UNC5C: variants seen among roughly 807,000 people sequenced by gnomAD.
UNC5C encodes unc-5 netrin receptor C, also known as netrin receptor UNC5C.
A neutral mutation model predicts 99.8 loss-of-function variants in UNC5C; 47 were observed. The ratio of observed to expected loss-of-function variants is 0.47; its 90% CI spans 0.37 to 0.60. The LOEUF (loss-of-function observed/expected upper bound fraction) is 0.60, where lower values mean the gene tolerates loss of function less well. UNC5C is among the 20% of genes least tolerant of loss of function. The pLI, the probability that UNC5C is intolerant of heterozygous loss-of-function variation, is 0.00. For synonymous variants in UNC5C, 487 were observed against 452.2 expected (o/e 1.08, Z -0.98); for missense variants, 1,062 against 1,165.9 (o/e 0.91, Z 1.30).
At chr4:95,496,226 A>G (rs2149482926) in intron 1 of UNC5C, among the ~76,000 whole-genome samples, 1 of 151,954 alleles carries the variant, frequency 6.6e-6, no homozygotes, top group Admixed American at 6.6e-5. Flanking sequence ...TCTGACTTTC[A>G]AAAGAAACAT....
intron 1 of UNC5C, among the ~76,000 whole-genome samples, chr4:95,495,929 A>G (rs1321991648): frequency 6.6e-6 from 1 of 151,856 alleles, no homozygotes; most frequent in African/African-American, 2.4e-5. Flanking sequence ...ATGGAGAAAT[A>G]GAAATTATTC....
chr4:95,476,968 C>T (rs1471090586), intron 1 of UNC5C, among the ~76,000 whole-genome samples: 2 of 152,020 alleles, frequency 1.3e-5, no homozygotes, highest in East Asian at 3.9e-4. Context: ...TTCATTTGGA[C>T]ATATCCAGAA....
In UNC5C at chr4:95,520,596, A is replaced by ATT. The variant is rs10712546; in HGVS notation, c.124+28136_124+28137dup. Among the ~76,000 whole-genome samples, 8 of 98,808 alleles carry ATT rather than the reference A, an allele frequency of 8.1e-5. No individual in the cohort carries two copies. The East Asian group carries it at 8.5e-4, about 10-fold the overall frequency. 64.8% of individuals were successfully genotyped at this position (98,808 alleles called of 152,430 possible). A position where few individuals can be genotyped will look rare whatever the true frequency, so the allele number is the denominator to read the frequency against. On this transcript the variant is annotated intron_variant, in intron 1 of 15. Coordinates refer to ENST00000453304, the MANE Select transcript of UNC5C (RefSeq NM_003728.4). Reference sequence around the variant, plus strand: ...CCATTTTTCAGAAAAACTATCTAGTATTTTTTTTTTTTTTTTTTTTGAGAC... The same window carrying ATT: ...CCATTTTTCAGAAAAACTATCTAGTATTTTTTTTTTTTTTTTTTTTTTGAGAC...
Position 95,466,525 on chromosome 4 carries a change from G to A in UNC5C, c.124+82209C>T, listed in dbSNP as rs534547231. Among the ~76,000 whole-genome samples the A allele has an allele frequency of 3.9e-5, 6 of 152,162 alleles. No individual in the cohort carries two copies. The East Asian group carries it at 9.7e-4, about 25-fold the overall frequency. On this transcript the variant is annotated intron_variant, in intron 1 of 15. Coordinates refer to ENST00000453304, the MANE Select transcript of UNC5C (RefSeq NM_003728.4). ...TAACATTATTAGAAGCAGAGCAAGA[G>A]GAGCAAATGTTGGTAGTAAAACTCC...
intron 3 of UNC5C, among the ~76,000 whole-genome samples, chr4:95,282,569 G>A (rs1376310229): frequency 6.6e-6 from 1 of 152,200 alleles, no homozygotes; most frequent in African/African-American, 2.4e-5. Context: ...AAAGATCCAG[G>A]GATAATTGTC....
chr4:95,473,381 T>C (rs978368671), intron 1 of UNC5C, among the ~76,000 whole-genome samples: 1 of 152,156 alleles, frequency 6.6e-6, no homozygotes, highest in African/African-American at 2.4e-5. Context: ...GTTCCCACTT[T>C]GTAGTTAAGC....
chr4:95,390,748 A>C (rs891444757), intron 1 of UNC5C, among the ~76,000 whole-genome samples: 1 of 152,158 alleles, frequency 6.6e-6, no homozygotes, highest in Admixed American at 6.5e-5. Context: ...TTTTCTTGAC[A>C]CAGGGTCTTG....
At chr4:95,201,908 G>T (rs1380492480) in intron 12 of UNC5C, among the ~76,000 whole-genome samples, 1 of 151,998 alleles carries the variant, frequency 6.6e-6, no homozygotes, top group Non-Finnish European at 1.5e-5. Context: ...CCGGCCGAGG[G>T]TCTTTATTTA....
In UNC5C at chr4:95,530,764, T is replaced by C. The variant is rs565320635; in HGVS notation, c.124+17970A>G. On this transcript the variant is annotated intron_variant, in intron 1 of 15. Transcript: ENST00000453304. The stretch of plus-strand genomic sequence containing the variant: ...GGCTTATTATTCTTCATAAGTTGTA[T>C]TTAGAAAGGACTTTTCAGAAAAAAA... Among the ~76,000 whole-genome samples, 2 of 152,324 alleles carry C rather than the reference T, an allele frequency of 1.3e-5. 1 individual carries two copies. Among genetic ancestry groups the C allele is most frequent in the South Asian group, 4.1e-4 (2 of 4,824 alleles).
chr4:95,341,929 A>G (rs1255012799), intron 1 of UNC5C, among the ~76,000 whole-genome samples: 3 of 152,156 alleles, frequency 2.0e-5, no homozygotes, highest in African/African-American at 7.2e-5. Flanking sequence ...AAAATGGGGC[A>G]GAATTCAGCT....
At chr4:95,228,296 T>A (rs1031531098) in intron 7 of UNC5C, among the ~76,000 whole-genome samples, 1 of 152,208 alleles carries the variant, frequency 6.6e-6, no homozygotes, top group African/African-American at 2.4e-5. Flanking sequence ...TAGCAAAAAA[T>A]GATCATGGTT....
At chr4:95,351,283 C>A (rs962404930) in intron 1 of UNC5C, among the ~76,000 whole-genome samples, 5 of 151,550 alleles carry the variant, frequency 3.3e-5, no homozygotes, top group Admixed American at 2.0e-4. Context: ...TGCTGCATAA[C>A]CAATGTCTAC....
rs1735894436 is a variant in UNC5C at position 95,167,320 on chromosome 4, C to T, written c.*1914G>A. 1 of 152,162 alleles carries T rather than the reference C, an allele frequency of 6.6e-6. No homozygotes were observed. The highest frequency in any genetic ancestry group is 1.5e-5 in the Non-Finnish European group (1 of 68,034). 9.4% of individuals were successfully genotyped at this position (152,162 alleles called of 1,614,324 possible). ...TCCCCACCTGCTGAATGAATTGAGT[C>T]CTTGTGTTTGTTAAAGAGCTTGTGA... On this transcript the variant is annotated 3_prime_UTR_variant, in exon 16 of 16. Transcript: ENST00000453304.
At chr4:95,249,821 T>G (rs1484375902) in intron 5 of UNC5C, among the ~76,000 whole-genome samples, 1 of 152,208 alleles carries the variant, frequency 6.6e-6, no homozygotes, top group Non-Finnish European at 1.5e-5. Context: ...CTTGGCCAGA[T>G]AAGGCAGCCC....
intron 1 of UNC5C, among the ~76,000 whole-genome samples, chr4:95,374,997 T>C (rs1034220138): frequency 2.6e-5 from 4 of 152,144 alleles, no homozygotes; most frequent in South Asian, 2.1e-4. Context: ...TGAATTGATA[T>C]AGAAAAGAAT....
chr4:95,526,846 T>C lies in UNC5C; in HGVS notation c.124+21888A>G, dbSNP rs147549976. ...GATTTTAACATGGTTGTGTTACCAA[T>C]AGTACAAAGTAACAATAAAAACACA... On this transcript the variant is annotated intron_variant, in intron 1 of 15. Transcript: ENST00000453304. Among the ~76,000 whole-genome samples the C allele has an allele frequency of 3.9e-3, 594 of 152,150 alleles. 4 individuals carry two copies. The highest frequency in any genetic ancestry group is 0.013 in the African/African-American group (561 of 41,558).
At chr4:95,370,199 G>A (rs558500743) in intron 1 of UNC5C, among the ~76,000 whole-genome samples, 1 of 151,428 alleles carries the variant, frequency 6.6e-6, no homozygotes, top group South Asian at 2.1e-4. Context: ...CATAAAAGAA[G>A]GTAATATATC....
At chr4:95,517,674 G>A (rs1298170865) in intron 1 of UNC5C, among the ~76,000 whole-genome samples, 1 of 152,142 alleles carries the variant, frequency 6.6e-6, no homozygotes, top group African/African-American at 2.4e-5. Context: ...GCCATGAAAA[G>A]TTGGAATGGA....
intron 1 of UNC5C, among the ~76,000 whole-genome samples, chr4:95,422,641 T>A (rs1002842116): frequency 6.6e-6 from 1 of 152,216 alleles, no homozygotes; most frequent in African/African-American, 2.4e-5. Context: ...ACTTGTTTTT[T>A]AAGACATCTC....
Sources: allele counts gnomAD v4.1 joint callset (sites outside exome capture counted in the v4.1 genomes callset), GRCh38; gene constraint gnomAD v4.1.1; transcripts MANE v1.5; gene names NCBI Gene and HGNC (gene_info 2026-07-23, HGNC 2026-07-21).